RWDD1: variants seen among roughly 807,000 people sequenced by gnomAD.
The protein encoded by RWDD1 is RWD domain-containing protein 1.
A neutral mutation model predicts 31.6 loss-of-function variants in RWDD1; 17 were observed. The observed-to-expected ratio is 0.54, with a 90% CI of 0.37 to 0.81. The LOEUF (loss-of-function observed/expected upper bound fraction) is 0.81, where lower values mean the gene tolerates loss of function less well. RWDD1 is among the 30% of genes least tolerant of loss of function. The pLI is 0.00. For missense variants in RWDD1, 204 were observed against 274.5 expected (o/e 0.74, Z 1.82); for synonymous variants, 78 against 94.2 (o/e 0.83, Z 0.99).
At chr6:116,580,605 T>A (rs765217238) in intron 2 of RWDD1, among the ~76,000 whole-genome samples, 1 of 152,142 alleles carries the variant, frequency 6.6e-6, no homozygotes, top group South Asian at 2.1e-4. Context: ...ATAGTAATAT[T>A]AATAATACAG....
intron 2 of RWDD1, 152 bp from the exon 3 acceptor site, chr6:116,584,575 T>C (rs754219454): frequency 8.0e-6 from 5 of 623,584 alleles, no homozygotes; most frequent in South Asian, 6.1e-5. Flanking sequence ...CTTTGTGATA[T>C]GTGTTGTTTA....
intron 1 of RWDD1, among the ~76,000 whole-genome samples, chr6:116,579,104 G>T (rs144409184): frequency 6.6e-6 from 1 of 152,176 alleles, no homozygotes; most frequent in African/African-American, 2.4e-5. Flanking sequence ...TCGAACTCCT[G>T]GCTTCAAGTG....
intron 2 of RWDD1, among the ~76,000 whole-genome samples, chr6:116,580,985 A>AT (rs1162368647): frequency 1.3e-5 from 2 of 152,000 alleles, no homozygotes; most frequent in African/African-American, 4.8e-5. Context: ...AACCCTACAC[A>AT]TTTTTTTACC....
intron 3 of RWDD1, among the ~76,000 whole-genome samples, chr6:116,585,740 C>T (rs943725505): frequency 3.0e-4 from 45 of 152,088 alleles, no homozygotes; most frequent in African/African-American, 1.1e-3. Flanking sequence ...GATGTTGGGC[C>T]CTATTCACCT....
intron 2 of RWDD1, 134 bp from the exon 3 acceptor site, chr6:116,584,593 G>A: frequency 1.4e-6 from 1 of 705,154 alleles, no homozygotes; most frequent in East Asian, 2.7e-5. Context: ...TTACATTAGT[G>A]ATTATCCATC....
At chr6:116,576,885 A>G (rs1329316387) in intron 1 of RWDD1, among the ~76,000 whole-genome samples, 2 of 152,238 alleles carry the variant, frequency 1.3e-5, no homozygotes, top group African/African-American at 4.8e-5. Flanking sequence ...GAGTCATGGA[A>G]AATGAGACTT....
In RWDD1 at chr6:116,593,207, G is replaced by A; in HGVS notation, c.*106G>A. The A allele has an allele frequency of 8.8e-7, 1 of 1,134,454 alleles. No homozygotes were observed. The highest frequency in any genetic ancestry group is 1.6e-5 in the African/African-American group (1 of 62,612). The allele number at this position is 1,134,454 out of a possible 1,614,324, so 70.3% of individuals were successfully genotyped here. ...TTTTTCTAAGAAAAAATTATTTTCA[G>A]GAGAATATTCTTCTGATAGCTTTCA... On this transcript the variant is annotated 3_prime_UTR_variant, in exon 7 of 7. Transcript: ENST00000466444.
chr6:116,573,727 G>A (rs1341484717), intron 1 of RWDD1, among the ~76,000 whole-genome samples: 1 of 152,064 alleles, frequency 6.6e-6, no homozygotes, highest in Non-Finnish European at 1.5e-5. Context: ...GTTGGCCAAG[G>A]AACACTAAAT....
In RWDD1 at chr6:116,587,682, G is replaced by GTA. The variant is rs200179303; in HGVS notation, c.271-1159_271-1158insAT. Among the ~76,000 whole-genome samples, 633 of 152,156 alleles carry GTA rather than the reference G, an allele frequency of 4.2e-3. 4 individuals carry two copies. The highest frequency in any genetic ancestry group is 0.014 in the African/African-American group (587 of 41,504). ...ACTCTCTCTGTGTGTATGTGTGTGT[G>GTA]TGTGTGTGTTTATGTATGTATGTAT... On this transcript the variant is annotated intron_variant, in intron 3 of 6. Coordinates refer to ENST00000466444, the MANE Select transcript of RWDD1 (RefSeq NM_015952.4).
intron 2 of RWDD1, among the ~76,000 whole-genome samples, chr6:116,584,263 C>G (rs1774999962): frequency 6.6e-6 from 1 of 152,294 alleles, no homozygotes; most frequent in African/African-American, 2.4e-5. Flanking sequence ...CTAAACGGTG[C>G]CATCCAGCCA....
intron 4 of RWDD1, 63 bp downstream of exon 4, chr6:116,589,048 G>C (rs1313573010): frequency 8.5e-7 from 1 of 1,169,676 alleles, no homozygotes; most frequent in African/African-American, 1.6e-5. Context: ...TGCTTGGTTG[G>C]GTTTTTTTTT....
chr6:116,571,564 G>C lies in RWDD1; in HGVS notation c.-19G>C, dbSNP rs777142669. 1.9e-6 allele frequency: 3 copies of C among 1,611,960 alleles called. No homozygotes were observed. Among genetic ancestry groups the C allele is most frequent in the South Asian group, 2.2e-5 (2 of 90,920 alleles). On this transcript the variant is annotated 5_prime_UTR_variant, in exon 1 of 7. Transcript: ENST00000466444. ...CGCCTAGGTGTCTGGGCGATCTATG[G>C]GCAAGAGCAAGGGCCACGATGACAG... is the stretch of plus-strand genomic sequence containing the variant.
chr6:116,595,769 T>C lies in RWDD1; in HGVS notation c.*2668T>C, dbSNP rs113316377. 1 of 152,222 alleles carries C rather than the reference T, an allele frequency of 6.6e-6. No homozygotes were observed. Among genetic ancestry groups the C allele is most frequent in the Non-Finnish European group, 1.5e-5 (1 of 68,022 alleles). The allele number at this position is 152,222 out of a possible 1,614,324, so 9.4% of individuals were successfully genotyped here. ...CATGAGAGTTCAAAGAAATGTTGTA[T>C]TTGCCATCTACAACTTGGAATAATG... On this transcript the variant is annotated 3_prime_UTR_variant, in exon 7 of 7. Coordinates refer to ENST00000466444, the MANE Select transcript of RWDD1 (RefSeq NM_015952.4).
Position 116,593,045 on chromosome 6 carries a change from G to A in RWDD1, c.676G>A (p.Asp226Asn), listed in dbSNP as rs765208246. Residue 226 changes from aspartate to asparagine, a missense_variant, in exon 7 of 7, where the codon GAT becomes AAT. By Grantham distance (23) the Asp-to-Asn change is conservative. Coordinates refer to ENST00000466444, the MANE Select transcript of RWDD1 (RefSeq NM_015952.4). ...QEMDDLELED[D>N]EDDPDYNPAD... Reference sequence around the variant, plus strand: ...AATGGATGACTTGGAGCTGGAGGATGATGAAGATGATCCAGACTATAATCC... The same window carrying A: ...AATGGATGACTTGGAGCTGGAGGATAATGAAGATGATCCAGACTATAATCC... 2.5e-6 allele frequency: 4 copies of A among 1,613,560 alleles called. No individual in the cohort carries two copies. Among genetic ancestry groups the A allele is most frequent in the African/African-American group, 2.7e-5 (2 of 74,802 alleles).
At position 116,588,899 on chromosome 6, in the gene RWDD1, A is replaced by C. The variant is rs536430986; in HGVS notation, c.328A>C (p.Lys110Gln). Residue 110 changes from lysine (K) to glutamine (Q), a missense_variant, in exon 4 of 7, where the codon AAA becomes CAA. Coordinates refer to ENST00000466444, the MANE Select transcript of RWDD1 (RefSeq NM_015952.4). ...TACTCTAGTGACAGCTGTGCAAGAA[A>C]AATTAAATGAAATAGTAGATCAGAT... ...IFTLVTAVQE[K>Q]LNEIVDQIKT... is the part of the protein sequence containing the mutation. 4.0e-6 allele frequency: 6 copies of C among 1,513,540 alleles called. No homozygotes were observed. Among genetic ancestry groups the C allele is most frequent in the Non-Finnish European group, 5.3e-6 (6 of 1,134,508 alleles). The allele number at this position is 1,513,540 out of a possible 1,614,324, so 93.8% of individuals were successfully genotyped here.
At chr6:116,572,844 TGCTTTGCCAACAGGCAGATGTCTCTCA>T in intron 1 of RWDD1, 2 of 985,496 alleles carry the variant, frequency 2.0e-6, no homozygotes, top group Non-Finnish European at 2.4e-6. Flanking sequence ...AATTTTGTTC[TGCTTTGCCAACAGGCAGATGTCTCTCA>T]GCTATCCCTG....
chr6:116,584,335 T>A (rs1326772921), intron 2 of RWDD1, among the ~76,000 whole-genome samples: 1 of 152,234 alleles, frequency 6.6e-6, no homozygotes, highest in Non-Finnish European at 1.5e-5. Context: ...TAGCCAGATC[T>A]TCTGCAGGTA....
At chr6:116,587,670 GTA>G (rs1462109426) in intron 3 of RWDD1, among the ~76,000 whole-genome samples, 89 of 145,924 alleles carry the variant, frequency 6.1e-4, no homozygotes, top group African/African-American at 2.3e-3. Context: ...CTCTCTGTGT[GTA>G]TGTGTGTGTG....
At position 116,590,283 on chromosome 6, in the gene RWDD1, T is replaced by C; in HGVS notation, c.426T>C (p.His142=). ...EAEEAEKQLF[H]GTPVTIENFL... is the part of the protein sequence containing the mutation. The stretch of plus-strand genomic sequence containing the variant: ...TTTTATTTCCTAAGCAATTATTCCA[T>C]GGTACTCCAGTTACAATTGAGAATT... The change falls in exon 5 of 7, where the codon CAT becomes CAC. Residue 142 remains histidine, a synonymous_variant. Coordinates refer to ENST00000466444, the MANE Select transcript of RWDD1 (RefSeq NM_015952.4). 1 of 1,554,352 alleles carries C rather than the reference T, an allele frequency of 6.4e-7. No individual in the cohort carries two copies. Among genetic ancestry groups the C allele is most frequent in the African/African-American group, 1.4e-5 (1 of 71,980 alleles).
Sources: gnomAD v4.1 joint callset for allele counts (sites outside exome capture counted in the v4.1 genomes callset) on GRCh38, gnomAD v4.1.1 for gene constraint, MANE v1.5 for transcripts, NCBI Gene and HGNC (gene_info 2026-07-23, HGNC 2026-07-21) for gene names.